Variants in ZUP1 observed in about 807,000 individuals in gnomAD.
The protein encoded by ZUP1 is zinc finger containing ubiquitin peptidase 1.
In ZUP1, 55 loss-of-function variants were observed where a neutral mutation model predicts 68.1. The ratio of observed to expected loss-of-function variants is 0.81; its 90% CI spans 0.65 to 1.01. ZUP1 has a LOEUF of 1.01. ZUP1 is among the 50% of genes least tolerant of loss of function. ZUP1 has a pLI of 0.00. For synonymous variants in ZUP1, 223 were observed against 221.5 expected (o/e 1.01, Z -0.06); for missense variants, 684 against 674.9 (o/e 1.01, Z -0.15).
intron 9 of ZUP1, among the ~76,000 whole-genome samples, chr6:116,645,474 G>C (rs1215325700): frequency 6.6e-6 from 1 of 151,596 alleles, no homozygotes; most frequent in Non-Finnish European, 1.5e-5. Context: ...CCAGCTACTT[G>C]GGAGGCTGAG....
intron 2 of ZUP1, 124 bp from the exon 3 acceptor site, chr6:116,660,970 G>C: frequency 1.7e-6 from 1 of 572,728 alleles, no homozygotes. Context: ...CACCATCACG[G>C]CTCACTGCAG....
At chr6:116,653,215 C>G (rs908104659) in intron 5 of ZUP1, among the ~76,000 whole-genome samples, 11 of 152,046 alleles carry the variant, frequency 7.2e-5, no homozygotes, top group African/African-American at 2.7e-4. Context: ...TCACATGCTA[C>G]TGTCTTCATA....
rs562321001 is a variant in ZUP1, at chr6:116,661,180, T to C, written c.560-334A>G. On this transcript the variant is annotated intron_variant, in intron 2 of 9. Coordinates refer to ENST00000368576, the MANE Select transcript of ZUP1 (RefSeq NM_145062.3). The stretch of plus-strand genomic sequence containing the variant: ...CATGAGCCACCATGCCCAGCCAAGT[T>C]GGTTTTATTTTTATAACTTTTAGAT... Among the ~76,000 whole-genome samples the C allele has an allele frequency of 3.9e-5, 6 of 152,240 alleles. No homozygotes were observed. The East Asian group carries it at 7.7e-4, about 20-fold the overall frequency.
intron 9 of ZUP1, among the ~76,000 whole-genome samples, chr6:116,638,430 A>G (rs1185526778): frequency 2.0e-5 from 3 of 152,148 alleles, no homozygotes; most frequent in Admixed American, 6.6e-5. Context: ...TTTCTGGAAT[A>G]TTGTGCTCAT....
intron 1 of ZUP1, among the ~76,000 whole-genome samples, 200 bp downstream of exon 1, chr6:116,668,366 T>C (rs1478547980): frequency 6.6e-6 from 1 of 152,140 alleles, no homozygotes; most frequent in Non-Finnish European, 1.5e-5. Context: ...AGTACCCAGG[T>C]GCCTCAGAGG....
Position 116,652,111 on chromosome 6 carries a change from T to C in ZUP1, c.1043A>G (p.His348Arg), listed in dbSNP as rs1776521486. 6.2e-7 allele frequency: 1 copy of C among 1,614,018 alleles called. No homozygotes were observed. Among genetic ancestry groups the C allele is most frequent in the Non-Finnish European group, 8.5e-7 (1 of 1,179,910 alleles). The change falls in exon 6 of 10, where the codon CAC (histidine) becomes CGC (arginine). Residue 348 changes from histidine to arginine, a missense_variant. By Grantham distance (29) the His-to-Arg change is conservative. Coordinates refer to ENST00000368576, the MANE Select transcript of ZUP1 (RefSeq NM_145062.3). ...TTTGTCGCCTAAAGATGAATGAAAG[T>C]GATCCACCACTGAAGAAAGCCACAC... Reference protein sequence around the residue: ...RRVWLSSVVDHFHSSLGDKGW... With the variant: ...RRVWLSSVVDRFHSSLGDKGW...
chr6:116,668,575 G>C lies in ZUP1; in HGVS notation c.-25C>G, dbSNP rs893623899. On this transcript the variant is annotated 5_prime_UTR_variant, in exon 1 of 10. Coordinates refer to ENST00000368576, the MANE Select transcript of ZUP1 (RefSeq NM_145062.3). ...GACCATCAATTCTTACCGGCCCAGA[G>C]GCCAGCAGCTGCCACACTGAGCTCC... The C allele has an allele frequency of 6.6e-6, 1 of 152,624 alleles. No homozygotes were observed. The highest frequency in any genetic ancestry group is 1.5e-5 in the Non-Finnish European group (1 of 68,394). 9.5% of individuals were successfully genotyped at this position (152,624 alleles called of 1,614,324 possible).
chr6:116,644,285 T>C (rs1776217332), intron 9 of ZUP1, among the ~76,000 whole-genome samples: 1 of 152,232 alleles, frequency 6.6e-6, no homozygotes, highest in South Asian at 2.1e-4. Flanking sequence ...GTGTGGTGAT[T>C]CCTCAGGGAT....
chr6:116,655,662 C>A (rs184274917), intron 5 of ZUP1, among the ~76,000 whole-genome samples: 12 of 152,148 alleles, frequency 7.9e-5, no homozygotes, highest in Admixed American at 7.2e-4. Flanking sequence ...AGAAAAAAGC[C>A]ATATTATGGG....
At chr6:116,660,902 T>C (rs1562410868) in intron 2 of ZUP1, 56 bp from the exon 3 acceptor site, 18 of 1,105,050 alleles carry the variant, frequency 1.6e-5, no homozygotes, top group Non-Finnish European at 1.3e-5. Flanking sequence ...TTTTTTTCTT[T>C]GCTTTTTTTT....
chr6:116,660,639 T>G, intron 3 of ZUP1, 97 bp downstream of exon 3: 2 of 627,566 alleles, frequency 3.2e-6, no homozygotes, highest in Non-Finnish European at 5.2e-6. Flanking sequence ...AGATGTATTT[T>G]AAAATATTTT....
Position 116,666,958 on chromosome 6 carries a change from T to C in ZUP1, c.235A>G (p.Asn79Asp), listed in dbSNP as rs144766522. Reference protein sequence around the residue: ...QYGTSDNKKDNTLQCGMEVNS... With the variant: ...QYGTSDNKKDDTLQCGMEVNS... The stretch of plus-strand genomic sequence containing the variant: ...ACTTCCATTCCACACTGTAGGGTGT[T>C]GTCTTTCTTGTTATCTGAAGTTCCA... Residue 79 changes from asparagine (N) to aspartate (D), a missense_variant, in exon 2 of 10, where the codon AAC (asparagine) becomes GAC (aspartate). By Grantham distance (23) the Asn-to-Asp change is conservative. Coordinates refer to ENST00000368576, the MANE Select transcript of ZUP1 (RefSeq NM_145062.3). The C allele has an allele frequency of 6.2e-6, 10 of 1,613,762 alleles. No individual in the cohort carries two copies. Among genetic ancestry groups the C allele is most frequent in the Non-Finnish European group, 8.5e-6 (10 of 1,179,820 alleles).
intron 7 of ZUP1, among the ~76,000 whole-genome samples, chr6:116,648,167 T>C (rs939869552): frequency 1.3e-5 from 2 of 152,238 alleles, no homozygotes; most frequent in Admixed American, 1.3e-4. Context: ...TCTATACATC[T>C]ATCTCCTATT....
At position 116,642,037 on chromosome 6, in the gene ZUP1, A is replaced by G. The variant is rs1479238352; in HGVS notation, c.1689+3677T>C. ...CGATCCCACAGAAATACAAACTACC[A>G]TCAGAGAATACTACAAACACCTCTA... On this transcript the variant is annotated intron_variant, in intron 9 of 9. Transcript: ENST00000368576. Among the ~76,000 whole-genome samples, 5 of 152,332 alleles carry G rather than the reference A, an allele frequency of 3.3e-5. No individual in the cohort carries two copies. In the East Asian group the frequency reaches 9.6e-4, roughly 29 times the overall value.
chr6:116,642,638 A>C (rs1276758382), intron 9 of ZUP1, among the ~76,000 whole-genome samples: 2 of 152,112 alleles, frequency 1.3e-5, no homozygotes, highest in African/African-American at 2.4e-5. Context: ...ATTCAACAAC[A>C]CTTCATGCTA....
intron 7 of ZUP1, among the ~76,000 whole-genome samples, chr6:116,650,826 A>C (rs1337761750): frequency 6.6e-6 from 1 of 152,208 alleles, no homozygotes; most frequent in Non-Finnish European, 1.5e-5. Context: ...GTGAAATTTC[A>C]TAATATCGTG....
At chr6:116,645,496 G>A (rs551773731) in intron 9 of ZUP1, among the ~76,000 whole-genome samples, 26 of 149,964 alleles carry the variant, frequency 1.7e-4, no homozygotes, top group African/African-American at 6.2e-4. Flanking sequence ...CAGGAGGATC[G>A]CTTGAGCCTG....
chr6:116,649,228 G>T (rs1776405942), intron 7 of ZUP1, among the ~76,000 whole-genome samples: 1 of 151,968 alleles, frequency 6.6e-6, no homozygotes, highest in Non-Finnish European at 1.5e-5. Flanking sequence ...GTGGTAAAAA[G>T]AATGTGATAC....
At chr6:116,647,005 C>CA (rs1275064488) in intron 8 of ZUP1, among the ~76,000 whole-genome samples, 1 of 152,124 alleles carries the variant, frequency 6.6e-6, no homozygotes, top group East Asian at 1.9e-4. Context: ...ACAAGAAGTG[C>CA]AAAAGGTCCT....
Sources: allele counts gnomAD v4.1 joint callset (sites outside exome capture counted in the v4.1 genomes callset), GRCh38; gene constraint gnomAD v4.1.1; transcripts MANE v1.5; gene names NCBI Gene and HGNC (gene_info 2026-07-23, HGNC 2026-07-21).